Variants in AP1M2 observed in about 807,000 individuals in gnomAD.
AP1M2 encodes adaptor related protein complex 1 subunit mu 2, also known as AP-1 complex subunit mu-2.
AP1M2 carries 41 observed loss-of-function variants against 54.6 expected under a neutral mutation model. That is an observed-to-expected ratio of 0.75 (90% CI 0.59 to 0.97). AP1M2 has a LOEUF of 0.97. Among genes scored for constraint, AP1M2 ranks in the 50% least tolerant of loss-of-function variants. AP1M2 has a pLI of 0.00. For synonymous variants in AP1M2, 219 were observed against 215.9 expected (o/e 1.01, Z -0.13); for missense variants, 507 against 561.2 (o/e 0.90, Z 0.98).
chr19:10,573,698 C>T (rs1352815460), intron 11 of AP1M2, among the ~76,000 whole-genome samples: 9 of 130,128 alleles, frequency 6.9e-5, no homozygotes, highest in African/African-American at 1.7e-4. Flanking sequence ...GGGTCTCACT[C>T]TTGCCCAGGA....
At chr19:10,583,869 A>G in intron 2 of AP1M2, 45 bp downstream of exon 2, 1 of 1,559,370 alleles carries the variant, frequency 6.4e-7, no homozygotes, top group Non-Finnish European at 8.7e-7. Context: ...ACCATCGCCG[A>G]CAGCCCCCAC....
At chr19:10,581,982 T>A in intron 3 of AP1M2, 104 bp from the exon 4 acceptor site, 1 of 1,294,710 alleles carries the variant, frequency 7.7e-7, no homozygotes, top group Non-Finnish European at 1.0e-6. Context: ...GGCACGAGGA[T>A]CACTTAAGGT....
At chr19:10,578,225 T>C (rs1917310560) in intron 8 of AP1M2, among the ~76,000 whole-genome samples, 1 of 152,040 alleles carries the variant, frequency 6.6e-6, no homozygotes, top group Admixed American at 6.6e-5. Flanking sequence ...AGGATAAGGG[T>C]CCCCACCTTA....
At chr19:10,583,846 G>T (rs779439427) in intron 2 of AP1M2, 68 bp downstream of exon 2, 71 of 1,535,414 alleles carry the variant, frequency 4.6e-5, no homozygotes, top group Non-Finnish European at 5.7e-5. Context: ...ACCCTCTCTT[G>T]GCCTGAGCTG....
chr19:10,579,284 C>T (rs1238016012), intron 7 of AP1M2, among the ~76,000 whole-genome samples: 1 of 152,016 alleles, frequency 6.6e-6, no homozygotes, highest in Non-Finnish European at 1.5e-5. Flanking sequence ...GACACGGTGG[C>T]ATGCGCCTAT....
chr19:10,574,438 G>A lies in AP1M2; in HGVS notation c.1228C>T (p.Arg410Cys), dbSNP rs1302944938. The change falls in exon 11 of 12, where the codon CGC becomes TGC. Residue 410 changes from arginine to cysteine, a missense_variant. Coordinates refer to ENST00000250244, the MANE Select transcript of AP1M2 (RefSeq NM_005498.5). ...KSGYQALPWV[R>C]YITQSGDYQL... ...TTACCGCCACTCTGGGTGATGTAGC[G>A]AACCCAGGGCAGGGCCTGGTAACCA... 14 of 1,560,480 alleles carry A rather than the reference G, an allele frequency of 9.0e-6. No individual in the cohort carries two copies. The highest frequency in any genetic ancestry group is 1.2e-5 in the Non-Finnish European group (14 of 1,152,628).
chr19:10,585,265 A>AAAG (rs1316988052), intron 1 of AP1M2, among the ~76,000 whole-genome samples: 11,926 of 131,368 alleles, frequency 0.091, 1,406 homozygotes, highest in East Asian at 0.19. Flanking sequence ...GGAAAGAAGG[A>AAAG]AAGAAAGAAA....
chr19:10,578,804 G>A (rs976613755), intron 8 of AP1M2, 88 bp downstream of exon 8: 116 of 1,032,610 alleles, frequency 1.1e-4, no homozygotes, highest in Middle Eastern at 2.4e-4. Context: ...TAACCACCCC[G>A]GCCTCCCAAA....
chr19:10,583,267 T>C (rs4024546), intron 3 of AP1M2, among the ~76,000 whole-genome samples: 146,243 of 152,014 alleles, frequency 0.96, 70,385 homozygotes, highest in East Asian at 1. Flanking sequence ...TTGGTCCCTG[T>C]CCTTTAGGGA....
rs386388547 is a variant in AP1M2, at chr19:10,577,423, CTTT to C, written c.889-70_889-68del. ...TCATCCTTCAAATATTTACCAAGCC[CTTT>C]TTTTTTTTTTTTTTTTTTTTTTTTT... On this transcript the variant is annotated intron_variant, in intron 8 of 11. Coordinates refer to ENST00000250244, the MANE Select transcript of AP1M2 (RefSeq NM_005498.5). The C allele has an allele frequency of 5.1e-3, 1,895 of 369,488 alleles. 1 individual carries two copies. Among genetic ancestry groups the C allele is most frequent in the East Asian group, 8.6e-3 (98 of 11,410 alleles). 22.9% of individuals were successfully genotyped at this position (369,488 alleles called of 1,614,324 possible). A position where few individuals can be genotyped will look rare whatever the true frequency, so the allele number is the denominator to read the frequency against.
intron 9 of AP1M2, among the ~76,000 whole-genome samples, chr19:10,576,056 G>GATTAC (rs1917221601): frequency 6.7e-6 from 1 of 148,576 alleles, no homozygotes; most frequent in Non-Finnish European, 1.5e-5. Context: ...TTACAGGCGT[G>GATTAC]AGCCACTGCG....
intron 1 of AP1M2, 74 bp downstream of exon 1, chr19:10,587,116 G>A: frequency 6.6e-7 from 1 of 1,514,020 alleles, no homozygotes; most frequent in Non-Finnish European, 9.0e-7. Context: ...TGGCCCGCGC[G>A]GAGGGGTCGC....
chr19:10,583,212 C>T (rs747157107), intron 3 of AP1M2, among the ~76,000 whole-genome samples: 1 of 151,850 alleles, frequency 6.6e-6, no homozygotes, highest in Non-Finnish European at 1.5e-5. Flanking sequence ...GGATTGGATG[C>T]CAAGTCCTTG....
intron 3 of AP1M2, 114 bp downstream of exon 3, chr19:10,583,492 G>T: frequency 4.0e-6 from 3 of 756,562 alleles, no homozygotes; most frequent in Non-Finnish European, 6.4e-6. Context: ...AAAAAGGGAA[G>T]ACCCAGGGAG....
chr19:10,580,057 T>G (rs1917385649), intron 6 of AP1M2, among the ~76,000 whole-genome samples, 199 bp from the exon 7 acceptor site: 1 of 146,846 alleles, frequency 6.8e-6, no homozygotes, highest in African/African-American at 2.5e-5. Flanking sequence ...TTTTTTTTTT[T>G]TTTTTTTTTT....
At chr19:10,581,974 C>T in intron 3 of AP1M2, 96 bp from the exon 4 acceptor site, 1 of 1,338,650 alleles carries the variant, frequency 7.5e-7, no homozygotes, top group Non-Finnish European at 1.0e-6. Flanking sequence ...GAGGCCAAGG[C>T]ACGAGGATCA....
chr19:10,579,985 C>T, intron 6 of AP1M2, 127 bp from the exon 7 acceptor site: 1 of 811,800 alleles, frequency 1.2e-6, no homozygotes, highest in South Asian at 2.1e-5. Context: ...AGAGAATGAG[C>T]AAAAACTGGC....
chr19:10,582,830 C>T (rs904733239), intron 3 of AP1M2, among the ~76,000 whole-genome samples: 6 of 145,056 alleles, frequency 4.1e-5, no homozygotes, highest in Middle Eastern at 3.6e-3. Context: ...ATGGTGGCTT[C>T]TTTTTTTTTT....
At chr19:10,582,009 G>T (rs1917479663) in intron 3 of AP1M2, 131 bp from the exon 4 acceptor site, 1 of 1,031,834 alleles carries the variant, frequency 9.7e-7, no homozygotes, top group Non-Finnish European at 1.4e-6. Context: ...TTCAAGACCA[G>T]CCTGGGCAAT....
Sources: gnomAD v4.1 joint callset for allele counts (sites outside exome capture counted in the v4.1 genomes callset) on GRCh38, gnomAD v4.1.1 for gene constraint, MANE v1.5 for transcripts, NCBI Gene and HGNC (gene_info 2026-07-23, HGNC 2026-07-21) for gene names.